The following SLC75A1 variants were observed in gnomAD, a reference collection of about 807,000 sequenced individuals.
The protein encoded by SLC75A1 is solute carrier family 75 member 1, also known as major facilitator superfamily domain containing 10.
At chr4:2,933,911 C>T in the SLC75A1 span, 41 of 1,565,366 alleles carry the variant, frequency 2.6e-5, no homozygotes, top group South Asian at 3.5e-5. Context: ...CCTCCACCCC[C>T]TCCCCATCCC....
chr4:2,934,278 C>T, the SLC75A1 span: 1 of 285,024 alleles, frequency 3.5e-6, no homozygotes, highest in South Asian at 4.4e-5. Flanking sequence ...CCGCGGGGAA[C>T]CCGGATCCCG....
At chr4:2,931,312 G>A in the SLC75A1 span, 1 of 1,548,042 alleles carries the variant, frequency 6.5e-7, no homozygotes, top group Non-Finnish European at 8.7e-7. Context: ...GTCAGCCCAG[G>A]GGAGGGTGCA....
the SLC75A1 span, chr4:2,933,045 A>G: frequency 6.6e-7 from 1 of 1,518,578 alleles, no homozygotes; most frequent in Non-Finnish European, 9.1e-7. Flanking sequence ...ACCTAACCCC[A>G]TGGGGCTACT....
At chr4:2,933,569 C>T in the SLC75A1 span, 1 of 1,613,862 alleles carries the variant, frequency 6.2e-7, no homozygotes, top group Non-Finnish European at 8.5e-7. Context: ...AGCCATACCT[C>T]CGAACAGGAC....
the SLC75A1 span, chr4:2,932,877 G>C: frequency 1.5e-6 from 2 of 1,330,272 alleles, no homozygotes; most frequent in Admixed American, 5.6e-5. Flanking sequence ...AAGCATCTGA[G>C]GGCCACTTGC....
chr4:2,930,945 G>A, the SLC75A1 span: 1 of 1,613,082 alleles, frequency 6.2e-7, no homozygotes, highest in South Asian at 1.1e-5. Flanking sequence ...GCCCCGGCCA[G>A]CCAGTACACT....
chr4:2,933,481 G>A, the SLC75A1 span: 13 of 1,435,666 alleles, frequency 9.1e-6, no homozygotes, highest in South Asian at 1.2e-4. Context: ...GGCAAGGACC[G>A]AGAATTGGGG....
chr4:2,932,853 C>A, the SLC75A1 span: 1 of 1,445,906 alleles, frequency 6.9e-7, no homozygotes, highest in Non-Finnish European at 9.2e-7. Flanking sequence ...ACCCCTCAAC[C>A]CTGCCCTATT....
the SLC75A1 span, chr4:2,933,222 T>C: frequency 1.2e-6 from 2 of 1,612,104 alleles, no homozygotes; most frequent in Non-Finnish European, 1.7e-6. Flanking sequence ...GAGAGACAGA[T>C]GTCACCATCA....
At chr4:2,931,752 G>A in the SLC75A1 span, 2 of 1,541,336 alleles carry the variant, frequency 1.3e-6, no homozygotes, top group Non-Finnish European at 1.8e-6. Context: ...GCTTCCTGGG[G>A]ATGGGGGTTG....
the SLC75A1 span, chr4:2,931,757 G>T: frequency 1.3e-6 from 2 of 1,540,552 alleles, no homozygotes; most frequent in East Asian, 2.3e-5. Flanking sequence ...CTGGGGATGG[G>T]GGTTGCTTCC....
chr4:2,931,034 T>G, the SLC75A1 span: 1 of 1,610,274 alleles, frequency 6.2e-7, no homozygotes, highest in Admixed American at 1.7e-5. Context: ...GCCCCCAGCC[T>G]GCCCCAGCAC....
At chr4:2,933,294 T>C in the SLC75A1 span, 2 of 1,325,690 alleles carry the variant, frequency 1.5e-6, no homozygotes, top group Non-Finnish European at 2.1e-6. Flanking sequence ...TCCAGCCCCG[T>C]CCTGAGGGTC....
the SLC75A1 span, chr4:2,931,722 G>A: frequency 1.5e-5 from 24 of 1,560,952 alleles, no homozygotes; most frequent in Non-Finnish European, 2.0e-5. Flanking sequence ...GGCAGGGCCA[G>A]GGCGAGAGTG....
At chr4:2,933,214 G>C in the SLC75A1 span, 14 of 1,613,098 alleles carry the variant, frequency 8.7e-6, no homozygotes, top group Non-Finnish European at 1.2e-5. Context: ...TGAGACCTGA[G>C]AGACAGATGT....
At chr4:2,933,831 G>A in the SLC75A1 span, 16 of 1,590,778 alleles carry the variant, frequency 1.0e-5, no homozygotes, top group Non-Finnish European at 1.1e-5. Flanking sequence ...CCAGCAGGAG[G>A]CCGAGAAAGA....
chr4:2,932,796 C>A, the SLC75A1 span: 252 of 1,531,002 alleles, frequency 1.6e-4, no homozygotes, highest in Non-Finnish European at 2.2e-4. Flanking sequence ...GGGGCGGTCG[C>A]TTAAGGCCAG....
At chr4:2,931,951 CGCGTGCTGAGAAG>C in the SLC75A1 span, 1 of 1,603,032 alleles carries the variant, frequency 6.2e-7, no homozygotes, top group African/African-American at 1.3e-5. Context: ...GGAGAGGTGG[CGCGTGCTGAGAAG>C]GCGACCACAG....
chr4:2,930,602 C>A, the SLC75A1 span: 1 of 579,202 alleles, frequency 1.7e-6, no homozygotes, highest in Admixed American at 3.2e-5. Context: ...TCATCAGAAA[C>A]CTGGTGCATA....
Sources: allele counts gnomAD v4.1 joint callset, GRCh38; gene constraint gnomAD v4.1.1; transcripts MANE v1.5; gene names NCBI Gene and HGNC (gene_info 2026-07-23, HGNC 2026-07-21).